IVL: variants seen among roughly 807,000 people sequenced by gnomAD.
The protein encoded by IVL is involucrin.
For synonymous variants in IVL, 257 were observed against 271.0 expected, an observed-to-expected ratio of 0.95 and a Z score of 0.51; for missense variants, 722 against 624.9, an observed-to-expected ratio of 1.16 and a Z score of -1.66.
In IVL at chr1:152,911,820, G is replaced by T. The variant is rs1650010421; in HGVS notation, c.*265G>T. On this transcript the variant is annotated 3_prime_UTR_variant, in exon 2 of 2. Coordinates refer to ENST00000368764, the MANE Select transcript of IVL (RefSeq NM_005547.4). ...TACTATAGGAATCCTTACTTCCCCA[G>T]TATTGAAGCTGAATCAGTGAGTGTG... 1 of 467,338 alleles carries T rather than the reference G, an allele frequency of 2.1e-6. No individual in the cohort carries two copies. Among genetic ancestry groups the T allele is most frequent in the African/African-American group, 2.0e-5 (1 of 51,032 alleles). 28.9% of individuals were successfully genotyped at this position (467,338 alleles called of 1,614,324 possible).
In IVL at chr1:152,910,020, T is replaced by C. The variant is rs753907261; in HGVS notation, c.223T>C (p.Cys75Arg). The part of the protein sequence containing the change: ...TAVKGLPEQE[C>R]EQQQKEPQEQ... ...TGTAAAGGGACTGCCTGAGCAAGAA[T>C]GTGAGCAACAGCAGAAGGAGCCACA... Residue 75 changes from cysteine to arginine, a missense_variant, in exon 2 of 2, where the codon TGT becomes CGT. Coordinates refer to ENST00000368764, the MANE Select transcript of IVL (RefSeq NM_005547.4). 77 of 1,613,950 alleles carry C rather than the reference T, an allele frequency of 4.8e-5. No individual in the cohort carries two copies. Among genetic ancestry groups the C allele is most frequent in the Non-Finnish European group, 5.4e-5 (64 of 1,180,042 alleles).
chr1:152,909,449 T>C (rs920959950), intron 1 of IVL, among the ~76,000 whole-genome samples: 2 of 152,114 alleles, frequency 1.3e-5, no homozygotes, highest in African/African-American at 4.8e-5. Context: ...CCTTGGTCAG[T>C]GAAGCGATGA....
rs1649995540 is a variant in IVL, at chr1:152,911,453, C to A, written c.1656C>A (p.Val552=). 3 of 1,614,182 alleles carry A rather than the reference C, an allele frequency of 1.9e-6. No individual in the cohort carries two copies. Among genetic ancestry groups the A allele is most frequent in the African/African-American group, 2.7e-5 (2 of 75,020 alleles). Residue 552 remains valine (V), a synonymous_variant, in exon 2 of 2, where the codon GTC becomes GTA. Coordinates refer to ENST00000368764, the MANE Select transcript of IVL (RefSeq NM_005547.4). ...QPVFAPAPGQ[V]QDIQPALPTK... is the part of the protein sequence containing the mutation. ...TGTTTGCCCCAGCTCCAGGCCAGGTCCAAGACATTCAACCAGCCCTGCCCA... is the reference window on the plus strand; with the variant it reads ...TGTTTGCCCCAGCTCCAGGCCAGGTACAAGACATTCAACCAGCCCTGCCCA...
At position 152,910,307 on chromosome 1, in the gene IVL, G is replaced by T; in HGVS notation, c.510G>T (p.Glu170Asp). 6.3e-7 allele frequency: 1 copy of T among 1,593,764 alleles called. No homozygotes were observed. The highest frequency in any genetic ancestry group is 8.6e-7 in the Non-Finnish European group (1 of 1,166,226). ...ACCTGAAGCACCTAGAGCAGCAGGA[G>T]GGACAGCTGAAGCACCCGGAGCAGC... ...EGHLKHLEQQ[E>D]GQLKHPEQQE... Residue 170 changes from glutamate to aspartate, a missense_variant, in exon 2 of 2, where the codon GAG (glutamate) becomes GAT (aspartate). Coordinates refer to ENST00000368764, the MANE Select transcript of IVL (RefSeq NM_005547.4).
At position 152,911,515 on chromosome 1, in the gene IVL, A is replaced by G; in HGVS notation, c.1718A>G (p.Gln573Arg). The G allele has an allele frequency of 6.2e-7, 1 of 1,613,852 alleles. No homozygotes were observed. Among genetic ancestry groups the G allele is most frequent in the South Asian group, 1.1e-5 (1 of 91,032 alleles). Residue 573 changes from glutamine (Q) to arginine (R), a missense_variant, in exon 2 of 2, where the codon CAG becomes CGG. Physicochemically the swap from Gln to Arg is conservative, Grantham distance 43. Coordinates refer to ENST00000368764, the MANE Select transcript of IVL (RefSeq NM_005547.4). ...GEVLLPVEHQ[Q>R]QKQEVQWPPK... ...GTATTGCTTCCTGTAGAGCACCAGC[A>G]GCAGAAGCAGGAGGTGCAGTGGCCA...
Position 152,911,073 on chromosome 1 carries a change from C to G in IVL, c.1276C>G (p.Gln426Glu). 3 of 1,551,450 alleles carry G rather than the reference C, an allele frequency of 1.9e-6. No homozygotes were observed. The highest frequency in any genetic ancestry group is 2.4e-5 in the East Asian group (1 of 40,968). ...GAGGCAGGTGGAGCACCTGGAGCAG[C>G]AGGTGGGGCAGCTGAAGCACCTAGA... ...QERQVEHLEQ[Q>E]VGQLKHLEEQ... The change falls in exon 2 of 2, where the codon CAG becomes GAG. Residue 426 changes from glutamine to glutamate, a missense_variant. Coordinates refer to ENST00000368764, the MANE Select transcript of IVL (RefSeq NM_005547.4).
chr1:152,910,049 G>A lies in IVL; in HGVS notation c.252G>A (p.Glu84=), dbSNP rs199703096. 1 of 1,614,168 alleles carries A rather than the reference G, an allele frequency of 6.2e-7. No homozygotes were observed. Among genetic ancestry groups the A allele is most frequent in the African/African-American group, 1.3e-5 (1 of 75,066 alleles). Residue 84 remains glutamate (E), a synonymous_variant, in exon 2 of 2, where the codon GAG becomes GAA. Coordinates refer to ENST00000368764, the MANE Select transcript of IVL (RefSeq NM_005547.4). The stretch of plus-strand genomic sequence containing the variant: ...AGCAACAGCAGAAGGAGCCACAGGA[G>A]CAGGAGCTGCAGCAACAGCACTGGG... The part of the protein sequence containing the change: ...ECEQQQKEPQ[E]QELQQQHWEQ...
Position 152,910,182 on chromosome 1 carries a change from C to T in IVL, c.385C>T (p.Leu129Phe). ...CAAACAGCTGGAAGAAGAGAAGAAG[C>T]TCTTAGACCAGCAACTGGATCAAGA... ...LNKQLEEEKK[L>F]LDQQLDQELV... Residue 129 changes from leucine (L) to phenylalanine (F), a missense_variant, in exon 2 of 2, where the codon CTC (leucine) becomes TTC (phenylalanine). Transcript: ENST00000368764. The T allele has an allele frequency of 6.2e-7, 1 of 1,614,132 alleles. No individual in the cohort carries two copies. The highest frequency in any genetic ancestry group is 1.6e-4 in the Middle Eastern group (1 of 6,062).
intron 1 of IVL, 47 bp downstream of exon 1, chr1:152,908,636 C>A (rs1484635578): frequency 7.0e-6 from 1 of 143,658 alleles, no homozygotes; most frequent in African/African-American, 2.6e-5. Flanking sequence ...GGACCTCCAA[C>A]AGCATACGAT....
chr1:152,911,519 G>A lies in IVL; in HGVS notation c.1722G>A (p.Gln574=), dbSNP rs1649998288. 4 of 1,613,820 alleles carry A rather than the reference G, an allele frequency of 2.5e-6. No individual in the cohort carries two copies. The East Asian group carries it at 8.9e-5, about 36-fold the overall frequency. The change falls in exon 2 of 2, where the codon CAG becomes CAA. Residue 574 remains glutamine (Q), a synonymous_variant. Transcript: ENST00000368764. The part of the protein sequence containing the change: ...EVLLPVEHQQ[Q]KQEVQWPPKH... ...TGCTTCCTGTAGAGCACCAGCAGCA[G>A]AAGCAGGAGGTGCAGTGGCCACCCA...
chr1:152,911,597 G>A lies in IVL; in HGVS notation c.*42G>A. ...GAGGCCCTCAGATCGTCTCATACAA[G>A]GGAAGAGAGAGCCACTGGCTCCACT... On this transcript the variant is annotated 3_prime_UTR_variant, in exon 2 of 2. Coordinates refer to ENST00000368764, the MANE Select transcript of IVL (RefSeq NM_005547.4). 6.5e-7 allele frequency: 1 copy of A among 1,537,072 alleles called. No individual in the cohort carries two copies. Among genetic ancestry groups the A allele is most frequent in the Non-Finnish European group, 8.8e-7 (1 of 1,141,920 alleles).
At position 152,909,821 on chromosome 1, in the gene IVL, A is replaced by G; in HGVS notation, c.24A>G (p.Pro8=). 6.2e-7 allele frequency: 1 copy of G among 1,613,708 alleles called. No individual in the cohort carries two copies. The highest frequency in any genetic ancestry group is 8.5e-7 in the Non-Finnish European group (1 of 1,179,754). ...AGATGTCCCAGCAACACACACTGCC[A>G]GTGACCCTCTCCCCTGCCCTCAGTC... MSQQHTL[P]VTLSPALSQE... The change falls in exon 2 of 2, where the codon CCA becomes CCG. Residue 8 remains proline (P), a synonymous_variant. Transcript: ENST00000368764.
chr1:152,909,666 C>G, intron 1 of IVL, 113 bp from the exon 2 acceptor site: 1 of 776,344 alleles, frequency 1.3e-6, no homozygotes. Flanking sequence ...TAGAACAGTA[C>G]CCTGCCCAAG....
intron 1 of IVL, among the ~76,000 whole-genome samples, 187 bp downstream of exon 1, chr1:152,908,776 G>A (rs1649843618): frequency 1.3e-5 from 2 of 152,244 alleles, no homozygotes. Flanking sequence ...GTGCAGAACA[G>A]AGAGTAATCA....
Position 152,911,268 on chromosome 1 carries a change from G to T in IVL, c.1471G>T (p.Glu491Ter). The T allele has an allele frequency of 1.3e-6, 2 of 1,557,652 alleles. No homozygotes were observed. Among genetic ancestry groups the T allele is most frequent in the Non-Finnish European group, 1.7e-6 (2 of 1,150,708 alleles). ...KHLEKQEAQL[E>*]LPEQQVGQPK... The stretch of plus-strand genomic sequence containing the variant: ...CCTGGAGAAGCAGGAGGCACAGCTG[G>T]AGCTCCCAGAGCAGCAGGTAGGACA... The change falls in exon 2 of 2, where the codon GAG (glutamate) becomes TAG (stop). Residue 491 changes from glutamate to a stop codon, truncating the protein, a stop_gained. Transcript: ENST00000368764. LOFTEE classifies it low-confidence loss of function (END_TRUNC).
rs200798901 is a variant in IVL at position 152,910,078 on chromosome 1, A to C, written c.281A>C (p.Gln94Pro). ...EQELQQQHWE[Q>P]HEEYQKAENP... Reference sequence around the variant, plus strand: ...GAGCTGCAGCAACAGCACTGGGAACAGCATGAGGAATATCAGAAAGCAGAA... The same window carrying C: ...GAGCTGCAGCAACAGCACTGGGAACCGCATGAGGAATATCAGAAAGCAGAA... The change falls in exon 2 of 2, where the codon CAG becomes CCG. Residue 94 changes from glutamine (Q) to proline (P), a missense_variant. Coordinates refer to ENST00000368764, the MANE Select transcript of IVL (RefSeq NM_005547.4). 14 of 1,614,220 alleles carry C rather than the reference A, an allele frequency of 8.7e-6. No homozygotes were observed. In the Admixed American group the frequency reaches 1.8e-4, roughly 21 times the overall value.
chr1:152,911,340 C>G lies in IVL; in HGVS notation c.1543C>G (p.Gln515Glu). The G allele has an allele frequency of 1.3e-6, 2 of 1,597,386 alleles. No individual in the cohort carries two copies. Among genetic ancestry groups the G allele is most frequent in the Non-Finnish European group, 1.7e-6 (2 of 1,171,702 alleles). ...GGAAAAGCACCTAGAGCACCCAGAGCAGCAGGACGGACAACTAAAACATCT... is the reference window on the plus strand; with the variant it reads ...GGAAAAGCACCTAGAGCACCCAGAGGAGCAGGACGGACAACTAAAACATCT... Reference protein sequence around the residue: ...QQEKHLEHPEQQDGQLKHLEQ... With the variant: ...QQEKHLEHPEEQDGQLKHLEQ... The change falls in exon 2 of 2, where the codon CAG becomes GAG. Residue 515 changes from glutamine (Q) to glutamate (E), a missense_variant. Physicochemically the swap from Gln to Glu is conservative, Grantham distance 29. Coordinates refer to ENST00000368764, the MANE Select transcript of IVL (RefSeq NM_005547.4).
In IVL at chr1:152,910,814, G is replaced by C; in HGVS notation, c.1017G>C (p.Gln339His). 6.4e-7 allele frequency: 1 copy of C among 1,551,234 alleles called. No individual in the cohort carries two copies. ...GGCAACTGGAGCAGCTGGAGGAGCAGGAGGGGCAGCTGAAGCACCTGGAGC... is the reference window on the plus strand; with the variant it reads ...GGCAACTGGAGCAGCTGGAGGAGCACGAGGGGCAGCTGAAGCACCTGGAGC... ...QEGQLEQLEE[Q>H]EGQLKHLEQQ... The change falls in exon 2 of 2, where the codon CAG (glutamine) becomes CAC (histidine). Residue 339 changes from glutamine to histidine, a missense_variant. Physicochemically the swap from Gln to His is conservative, Grantham distance 24 (BLOSUM62 0). Transcript: ENST00000368764.
intron 1 of IVL, 118 bp from the exon 2 acceptor site, chr1:152,909,661 C>T (rs1649880153): frequency 2.7e-6 from 2 of 743,900 alleles, no homozygotes; most frequent in East Asian, 2.7e-5. Context: ...GGTGGTAGAA[C>T]AGTACCCTGC....
Sources: gnomAD v4.1 joint callset for allele counts (sites outside exome capture counted in the v4.1 genomes callset) on GRCh38, gnomAD v4.1.1 for gene constraint, MANE v1.5 for transcripts, NCBI Gene and HGNC (gene_info 2026-07-23, HGNC 2026-07-21) for gene names.